PLEC: variants seen among roughly 807,000 people sequenced by gnomAD.
PLEC encodes the protein hemidesmosomal protein 1.
A neutral mutation model predicts 392.8 loss-of-function variants in PLEC; 216 were observed. The observed-to-expected ratio is 0.55, with a 90% confidence interval of 0.49 to 0.62. The LOEUF is 0.62. Ranked by LOEUF, PLEC falls within the 20% of genes least tolerant of loss-of-function variation. The pLI, the probability that PLEC is intolerant of heterozygous loss-of-function variation, is 0.00. For missense variants in PLEC, 6,863 were observed against 6,563.4 expected, an observed-to-expected ratio of 1.05 and a Z score of -1.58; for synonymous variants, 3,621 against 2,980.6, an observed-to-expected ratio of 1.21 and a Z score of -7.00.
At position 143,925,124 on chromosome 8, in the gene PLEC, G is replaced by A. The variant is rs1554700810; in HGVS notation, c.4805C>T (p.Ala1602Val). ...LERSLQEEHV[A>V]VAQLREEAER... The stretch of plus-strand genomic sequence containing the variant: ...AGCCTCCTCCCGCAGCTGTGCCACA[G>A]CCACGTGTTCCTCCTGCAGGGAGCG... Residue 1602 changes from alanine (A) to valine (V), a missense_variant, in exon 31 of 32, where the codon GCT becomes GTT. Transcript: ENST00000345136. 1.9e-6 allele frequency: 3 copies of A among 1,557,962 alleles called. No individual in the cohort carries two copies. Among genetic ancestry groups the A allele is most frequent in the Non-Finnish European group, 1.7e-6 (2 of 1,159,930 alleles).
At chr8:143,965,511 G>A (rs190897367) in intron 1 of PLEC, among the ~76,000 whole-genome samples, 5 of 151,772 alleles carry the variant, frequency 3.3e-5, no homozygotes, top group South Asian at 4.2e-4. Flanking sequence ...TCCCAGCCCC[G>A]CATCTCCCTA....
At chr8:143,960,494 G>A (rs1832823327) in intron 1 of PLEC, among the ~76,000 whole-genome samples, 1 of 151,738 alleles carries the variant, frequency 6.6e-6, no homozygotes, top group Non-Finnish European at 1.5e-5. Flanking sequence ...GCGGGTGCCT[G>A]TAATCCCAGC....
chr8:143,930,647 G>A, intron 19 of PLEC, 111 bp from the exon 20 acceptor site: 1 of 1,176,318 alleles, frequency 8.5e-7, no homozygotes, highest in Non-Finnish European at 1.2e-6. Flanking sequence ...TGCTCCCGGG[G>A]TGGCAGCACT....
intron 1 of PLEC, chr8:143,950,131 A>C: frequency 6.9e-7 from 1 of 1,459,020 alleles, no homozygotes; most frequent in Non-Finnish European, 9.1e-7. Context: ...AAGACCCGAC[A>C]ACCAGACCCC....
intron 12 of PLEC, 40 bp from the exon 13 acceptor site, chr8:143,933,391 C>T (rs1554719436): frequency 6.2e-7 from 1 of 1,603,012 alleles, no homozygotes; most frequent in Non-Finnish European, 8.5e-7. Context: ...CAGCTGATCC[C>T]CCTCTGACCT....
chr8:143,931,900 C>T (rs781923968), intron 18 of PLEC, 37 bp downstream of exon 18: 23 of 1,559,662 alleles, frequency 1.5e-5, no homozygotes, highest in Admixed American at 3.6e-5. Flanking sequence ...GCAAGGCTGC[C>T]GCTGAGCCAC....
chr8:143,951,907 T>C (rs1353197485), upstream of PLEC, among the ~76,000 whole-genome samples: 4 of 138,276 alleles, frequency 2.9e-5, no homozygotes, highest in African/African-American at 1.1e-4. Context: ...CCACTGAGGG[T>C]CCAGGCATGA....
At position 143,922,622 on chromosome 8, in the gene PLEC, A is replaced by G; in HGVS notation, c.7307T>C (p.Ile2436Thr). ...EKVTLVQTLEIQRQQSDHDAE... is the reference protein window; with the variant it reads ...EKVTLVQTLETQRQQSDHDAE... ...ATCATGGTCACTCTGCTGTCGCTGG[A>G]TCTCCAGTGTCTGCACCAGGGTCAC... Residue 2436 changes from isoleucine (I) to threonine (T), a missense_variant, in exon 31 of 32, where the codon ATC (isoleucine) becomes ACC (threonine). Transcript: ENST00000345136. The G allele has an allele frequency of 6.2e-7, 1 of 1,613,530 alleles. No homozygotes were observed. The highest frequency in any genetic ancestry group is 1.1e-5 in the South Asian group (1 of 91,038).
upstream of PLEC, among the ~76,000 whole-genome samples, chr8:143,974,521 G>A (rs1833589192): frequency 1.3e-5 from 2 of 152,184 alleles, no homozygotes; most frequent in African/African-American, 2.4e-5. This position sits in a 1 kb window ranked among gnomAD's most constrained non-coding sequence, Gnocchi z 5.9. Flanking sequence ...GCTTCCCGTC[G>A]TCTGCAACAT....
chr8:143,920,098 G>A lies in PLEC; in HGVS notation c.9723C>T (p.Val3241=). The A allele has an allele frequency of 6.2e-7, 1 of 1,613,120 alleles. No homozygotes were observed. Among genetic ancestry groups the A allele is most frequent in the Non-Finnish European group, 8.5e-7 (1 of 1,180,024 alleles). ...RETFEKTPVE[V]PVGGFKGRTV... ...TCCTGCCCTTGAAGCCACCCACGGGGACCTCAACCGGGGTCTTTTCAAAGG... is the reference window on the plus strand; with the variant it reads ...TCCTGCCCTTGAAGCCACCCACGGGAACCTCAACCGGGGTCTTTTCAAAGG... The change falls in exon 32 of 32, where the codon GTC becomes GTT. Residue 3241 remains valine, a synonymous_variant. Transcript: ENST00000345136.
chr8:143,927,473 CTCCTGCCGCCGCCTGGCG>C lies in PLEC; in HGVS notation c.3675_3692del (p.Asp1225_Gln1230del). Reference sequence around the variant, plus strand: ...CGGCCAGCGGCATGGCCTGGATCTGCTCCTGCCGCCGCCTGGCGTCCTGCAGCCAGGCGCCCAAGGGGT... The same window carrying C: ...CGGCCAGCGGCATGGCCTGGATCTGCTCCTGCAGCCAGGCGCCCAAGGGGT... On this transcript the variant is annotated inframe_deletion, in exon 27 of 32. Coordinates refer to ENST00000345136, the MANE Select transcript of PLEC (RefSeq NM_201384.3). The C allele has an allele frequency of 6.3e-7, 1 of 1,597,272 alleles. No individual in the cohort carries two copies. The highest frequency in any genetic ancestry group is 8.5e-7 in the Non-Finnish European group (1 of 1,178,446).
chr8:143,939,560 C>T lies in PLEC; in HGVS notation c.-99G>A, dbSNP rs562687921. 6 of 1,530,508 alleles carry T rather than the reference C, an allele frequency of 3.9e-6. No homozygotes were observed. The African/African-American group carries it at 5.5e-5, about 14-fold the overall frequency. The allele number at this position is 1,530,508 out of a possible 1,614,324, so 94.8% of individuals were successfully genotyped here. A position where few individuals can be genotyped will look rare whatever the true frequency, so the allele number is the denominator to read the frequency against. On this transcript the variant is annotated 5_prime_UTR_variant, in exon 1 of 32. The change creates a new upstream start codon in the 5' untranslated region. Coordinates refer to ENST00000345136, the MANE Select transcript of PLEC (RefSeq NM_201384.3). The stretch of plus-strand genomic sequence containing the variant: ...AGGCAGCTGAAGGCTGGCGGCCCCA[C>T]GAGACGCTCACTCGGCACAGGCTCA...
chr8:143,922,677 G>A lies in PLEC; in HGVS notation c.7252C>T (p.His2418Tyr), dbSNP rs782065724. Residue 2418 changes from histidine (H) to tyrosine (Y), a missense_variant, in exon 31 of 32, where the codon CAC becomes TAC. Physicochemically the swap from His to Tyr is moderately conservative, Grantham distance 83. Transcript: ENST00000345136. ...TCCTGGGTGGCGAGCTCCGTGCGGTGCAGCTTCTCACCGATCTCCTCCGCC... is the reference window on the plus strand; with the variant it reads ...TCCTGGGTGGCGAGCTCCGTGCGGTACAGCTTCTCACCGATCTCCTCCGCC... ...KQAEEIGEKL[H>Y]RTELATQEKV... 2 of 1,613,070 alleles carry A rather than the reference G, an allele frequency of 1.2e-6. No homozygotes were observed. Among genetic ancestry groups the A allele is most frequent in the African/African-American group, 2.7e-5 (2 of 74,944 alleles).
At position 143,919,213 on chromosome 8, in the gene PLEC, C is replaced by T. The variant is rs782337540; in HGVS notation, c.10608G>A (p.Thr3536=). The T allele has an allele frequency of 5.6e-5, 91 of 1,613,770 alleles. 1 individual carries two copies. Among genetic ancestry groups the T allele is most frequent in the Middle Eastern group, 3.3e-4 (2 of 6,084 alleles). ...LLERCVEDPE[T]GLRLLPLKGA... ...CTTTCAGTGGCAGAAGGCGCAAGCC[C>T]GTCTCGGGGTCCTCCACGCACCGCT... Residue 3536 remains threonine (T), a synonymous_variant, in exon 32 of 32, where the codon ACG becomes ACA. Coordinates refer to ENST00000345136, the MANE Select transcript of PLEC (RefSeq NM_201384.3).
At chr8:143,962,665 G>A (rs1832922245) in intron 1 of PLEC, among the ~76,000 whole-genome samples, 1 of 152,230 alleles carries the variant, frequency 6.6e-6, no homozygotes, top group Non-Finnish European at 1.5e-5. Context: ...AGGCAACGAG[G>A]AAAGTGGAGG....
intron 1 of PLEC, among the ~76,000 whole-genome samples, chr8:143,945,653 G>A (rs539596778): frequency 6.6e-6 from 1 of 152,298 alleles, no homozygotes; most frequent in South Asian, 2.1e-4. Context: ...AGCCTGAGGC[G>A]CCGCCTGCTG....
upstream of PLEC, chr8:143,958,831 C>T: frequency 3.6e-6 from 1 of 274,750 alleles, no homozygotes; most frequent in South Asian, 3.0e-5. The surrounding 1 kb of genome is among the most constrained non-coding windows in gnomAD (Gnocchi z 4.9). Flanking sequence ...GGCTGCCTCA[C>T]CCAGCACCAG....
At position 143,925,232 on chromosome 8, in the gene PLEC, G is replaced by A. The variant is rs1407991375; in HGVS notation, c.4697C>T (p.Ala1566Val). Residue 1566 changes from alanine (A) to valine (V), a missense_variant, in exon 31 of 32, where the codon GCC becomes GTC. Physicochemically the swap from Ala to Val is moderately conservative, Grantham distance 64. Transcript: ENST00000345136. ...EVERARQVQVALETAQRSAEA... is the reference protein window; with the variant it reads ...EVERARQVQVVLETAQRSAEA... ...TGCACTGCGCTGCGCCGTCTCCAGG[G>A]CCACCTGTACCTGCCGCGCTCGCTC... 1.8e-5 allele frequency: 28 copies of A among 1,588,576 alleles called. No homozygotes were observed. Among genetic ancestry groups the A allele is most frequent in the Non-Finnish European group, 2.4e-5 (28 of 1,175,650 alleles).
In PLEC at chr8:143,920,788, G is replaced by A. The variant is rs782748181; in HGVS notation, c.9033C>T (p.Ala3011=). Residue 3011 remains alanine (A), a synonymous_variant, in exon 32 of 32, where the codon GCC becomes GCT. Coordinates refer to ENST00000345136, the MANE Select transcript of PLEC (RefSeq NM_201384.3). ...QRGERSVRDV[A]EVDTVRRALR... ...GAGCCCGCCGCACAGTGTCCACCTC[G>A]GCTACGTCTCGCACAGAGCGCTCAC... 30 of 1,607,316 alleles carry A rather than the reference G, an allele frequency of 1.9e-5. No individual in the cohort carries two copies. The highest frequency in any genetic ancestry group is 3.3e-5 in the South Asian group (3 of 91,084).
Sources: allele counts gnomAD v4.1 joint callset (sites outside exome capture counted in the v4.1 genomes callset), GRCh38; gene constraint gnomAD v4.1.1; non-coding constraint Gnocchi (gnomAD v3.1); transcripts MANE v1.5; gene names NCBI Gene and HGNC (gene_info 2026-07-23, HGNC 2026-07-21).